The following KCNJ18 variants were observed in gnomAD, a reference collection of about 807,000 sequenced individuals.
KCNJ18 encodes inward rectifier potassium channel 18.
A neutral mutation model predicts 17.3 loss-of-function variants in KCNJ18; 16 were observed. The observed-to-expected ratio is 0.92, with a 90% CI of 0.62 to 1.40. KCNJ18 has a LOEUF of 1.40. Ranked by LOEUF, KCNJ18 falls within the 40% of genes most tolerant of loss-of-function variation. The pLI is 0.00. For missense variants in KCNJ18, 462 were observed against 626.8 expected, an observed-to-expected ratio of 0.74 and a Z score of 2.81; for synonymous variants, 185 against 262.6, an observed-to-expected ratio of 0.70 and a Z score of 2.86.
intron 1 of KCNJ18, among the ~76,000 whole-genome samples, chr17:21,692,961 C>T (rs1463920974): frequency 2.6e-5 from 4 of 152,426 alleles, no homozygotes; most frequent in African/African-American, 9.6e-5. Flanking sequence ...AAGTGCCTTG[C>T]CCTGTTCCGT....
At chr17:21,698,396 T>C (rs2142268824) in intron 2 of KCNJ18, among the ~76,000 whole-genome samples, 1 of 152,206 alleles carries the variant, frequency 6.6e-6, no homozygotes, top group South Asian at 2.1e-4. Context: ...TAGTAAGCAC[T>C]TGATAGATAC....
intron 1 of KCNJ18, among the ~76,000 whole-genome samples, chr17:21,694,882 C>G (rs1905708913): frequency 6.6e-6 from 1 of 152,022 alleles, no homozygotes; most frequent in Non-Finnish European, 1.5e-5. Context: ...CAACCATATA[C>G]CCACCCATCC....
At position 21,703,893 on chromosome 17, in the gene KCNJ18, G is replaced by A. The variant is rs1906068571; in HGVS notation, c.1107G>A (p.Leu369=). Reference sequence around the variant, plus strand: ...ATCTGGTAGAGAACAAGTTCCTGCTGCCCAGTGCCAACTCCTTCTGCTATG... The same window carrying A: ...ATCTGGTAGAGAACAAGTTCCTGCTACCCAGTGCCAACTCCTTCTGCTATG... ...AKDLVENKFL[L]PSANSFCYEN... The change falls in exon 3 of 3, where the codon CTG becomes CTA. Residue 369 remains leucine (L), a synonymous_variant. Transcript: ENST00000567955. 6.2e-7 allele frequency: 1 copy of A among 1,612,762 alleles called. No individual in the cohort carries two copies.
intron 2 of KCNJ18, among the ~76,000 whole-genome samples, chr17:21,698,684 C>G (rs1392690090): frequency 6.6e-6 from 1 of 152,118 alleles, no homozygotes; most frequent in Admixed American, 6.5e-5. Context: ...AAGCACCTCC[C>G]GGTGACTCCT....
chr17:21,696,676 G>T (rs1905767866), intron 2 of KCNJ18, among the ~76,000 whole-genome samples: 1 of 152,222 alleles, frequency 6.6e-6, no homozygotes, highest in African/African-American at 2.4e-5. Context: ...AAAGCCCAGT[G>T]CTAGAGGATC....
chr17:21,693,583 C>G lies in KCNJ18; in HGVS notation c.-179+869C>G, dbSNP rs1420029795. 4.6e-5 allele frequency among the ~76,000 whole-genome samples: 7 copies of G among 152,420 alleles called. No individual in the cohort carries two copies. The East Asian group carries it at 1.3e-3, about 29-fold the overall frequency. ...TTAGCTTCTCTCAGCCTCAGTTTTC[C>G]TATCTGTCCAGAGGGGAGAATTGTC... On this transcript the variant is annotated intron_variant, in intron 1 of 2. Coordinates refer to ENST00000567955, the MANE Select transcript of KCNJ18 (RefSeq NM_001194958.2).
At chr17:21,700,046 G>C (rs1221343611) in intron 2 of KCNJ18, among the ~76,000 whole-genome samples, 2 of 152,282 alleles carry the variant, frequency 1.3e-5, no homozygotes, top group Non-Finnish European at 2.9e-5. Context: ...TCCTTCTGGA[G>C]GGTCCAGGAA....
intron 2 of KCNJ18, among the ~76,000 whole-genome samples, chr17:21,700,212 G>A (rs1270437004): frequency 7.9e-6 from 1 of 126,378 alleles, no homozygotes; most frequent in South Asian, 3.0e-4. Flanking sequence ...GCGGTGTTGG[G>A]GAAGGACGGC....
intron 2 of KCNJ18, among the ~76,000 whole-genome samples, chr17:21,697,575 C>T (rs1211263215): frequency 6.6e-6 from 1 of 152,264 alleles, no homozygotes; most frequent in South Asian, 2.1e-4. Flanking sequence ...CACGTCTTTG[C>T]CTCCCACTCC....
intron 2 of KCNJ18, among the ~76,000 whole-genome samples, chr17:21,697,884 C>T (rs1355242525): frequency 4.6e-5 from 7 of 152,304 alleles, no homozygotes; most frequent in Admixed American, 3.3e-4. Context: ...AGCTCTGTGG[C>T]TGAGGAATGG....
intron 2 of KCNJ18, among the ~76,000 whole-genome samples, chr17:21,699,238 A>G (rs1453306914): frequency 3.3e-5 from 5 of 152,196 alleles, no homozygotes. Context: ...CAAGAGCCAA[A>G]AAGGCCTGTG....
Position 21,702,773 on chromosome 17 carries a change from C to T in KCNJ18, c.-14C>T, listed in dbSNP as rs1252121306. 1 of 1,572,396 alleles carries T rather than the reference C, an allele frequency of 6.4e-7. No individual in the cohort carries two copies. The highest frequency in any genetic ancestry group is 1.1e-5 in the South Asian group (1 of 87,096). On this transcript the variant is annotated 5_prime_UTR_variant, in exon 3 of 3. Transcript: ENST00000567955. The stretch of plus-strand genomic sequence containing the variant: ...GCTAGCCTGGGGGTGAGCCAGGGTC[C>T]CCCAACCCCCGGGATGACCGCGGCC...
chr17:21,695,190 TCCA>T (rs1905722650), intron 1 of KCNJ18, among the ~76,000 whole-genome samples: 1 of 142,134 alleles, frequency 7.0e-6, no homozygotes, highest in Non-Finnish European at 1.5e-5. Context: ...CATCCATCCA[TCCA>T]TCCATTCATC....
intron 2 of KCNJ18, among the ~76,000 whole-genome samples, chr17:21,698,377 C>T (rs1197855268): frequency 5.3e-5 from 8 of 152,140 alleles, no homozygotes; most frequent in Non-Finnish European, 8.8e-5. Flanking sequence ...TAGAAGAGCA[C>T]GTGGCAGGTA....
At chr17:21,696,588 C>G (rs1334081869) in intron 2 of KCNJ18, among the ~76,000 whole-genome samples, 2 of 152,240 alleles carry the variant, frequency 1.3e-5, no homozygotes, top group Non-Finnish European at 2.9e-5. Context: ...CTCTAGACCT[C>G]TGAGCTTGGT....
intron 1 of KCNJ18, among the ~76,000 whole-genome samples, chr17:21,694,461 G>A (rs1170667465): frequency 6.6e-6 from 1 of 152,102 alleles, no homozygotes; most frequent in Non-Finnish European, 1.5e-5. Context: ...ACTGATGTGT[G>A]CCCATCCATG....
rs1906090557 is a variant in KCNJ18 at position 21,704,278 on chromosome 17, C to T, written c.*190C>T. ...GGAGAGGGGGCAGCCAGAGCGGCAG[C>T]CCCCGGCCTCAGAGGCTATCACAGG... On this transcript the variant is annotated 3_prime_UTR_variant, in exon 3 of 3. Coordinates refer to ENST00000567955, the MANE Select transcript of KCNJ18 (RefSeq NM_001194958.2). 3 of 702,018 alleles carry T rather than the reference C, an allele frequency of 4.3e-6. No individual in the cohort carries two copies. Among genetic ancestry groups the T allele is most frequent in the East Asian group, 2.8e-5 (1 of 35,388 alleles). The allele number at this position is 702,018 out of a possible 1,614,324, so 43.5% of individuals were successfully genotyped here.
chr17:21,698,927 G>A lies in KCNJ18; in HGVS notation c.-57+2823G>A, dbSNP rs1261134067. ...TTCACTGCCCCTTGGTGTTGAAACCGCCTTGTCTAGCTCAGGTAGTGTACC... is the reference window on the plus strand; with the variant it reads ...TTCACTGCCCCTTGGTGTTGAAACCACCTTGTCTAGCTCAGGTAGTGTACC... On this transcript the variant is annotated intron_variant, in intron 2 of 2. Coordinates refer to ENST00000567955, the MANE Select transcript of KCNJ18 (RefSeq NM_001194958.2). Among the ~76,000 whole-genome samples the A allele has an allele frequency of 5.3e-4, 81 of 152,336 alleles. No individual in the cohort carries two copies. The East Asian group carries it at 0.014, about 27-fold the overall frequency.
At position 21,692,975 on chromosome 17, in the gene KCNJ18, G is replaced by A. The variant is rs1255325731; in HGVS notation, c.-179+261G>A. On this transcript the variant is annotated intron_variant, in intron 1 of 2. Transcript: ENST00000567955. ...GAAGTGCCTTGCCCTGTTCCGTGGGGGATTTCAGCCCCATCCTCAGCCCAG... is the reference window on the plus strand; with the variant it reads ...GAAGTGCCTTGCCCTGTTCCGTGGGAGATTTCAGCCCCATCCTCAGCCCAG... Among the ~76,000 whole-genome samples, 27 of 152,396 alleles carry A rather than the reference G, an allele frequency of 1.8e-4. No homozygotes were observed. The South Asian group carries it at 2.3e-3, about 13-fold the overall frequency.
Sources: allele counts gnomAD v4.1 joint callset (sites outside exome capture counted in the v4.1 genomes callset), GRCh38; gene constraint gnomAD v4.1.1; transcripts MANE v1.5; gene names NCBI Gene and HGNC (gene_info 2026-07-23, HGNC 2026-07-21).